The following PRKG1 variants were observed in gnomAD, a reference collection of about 807,000 sequenced individuals.
PRKG1 encodes protein kinase cGMP-dependent 1, also known as cGMP-dependent protein kinase 1.
A neutral mutation model predicts 88.1 loss-of-function variants in PRKG1; 35 were observed. The ratio of observed to expected loss-of-function variants is 0.40; its 90% CI spans 0.30 to 0.53. The LOEUF (loss-of-function observed/expected upper bound fraction) is 0.53, where lower values mean the gene tolerates loss of function less well. Among genes scored for constraint, PRKG1 ranks in the 20% least tolerant of loss-of-function variants. The probability of loss-of-function intolerance (pLI) is 0.59; values close to 1 mark genes in which losing one functional copy is unlikely to be tolerated. For missense variants in PRKG1, 540 were observed against 839.8 expected, an observed-to-expected ratio of 0.64 and a Z score of 4.41; for synonymous variants, 303 against 292.5, an observed-to-expected ratio of 1.04 and a Z score of -0.37.
intron 2 of PRKG1, among the ~76,000 whole-genome samples, chr10:51,440,477 A>G (rs993870383): frequency 4.6e-5 from 7 of 151,942 alleles, no homozygotes; most frequent in African/African-American, 1.7e-4. Flanking sequence ...AACTATTAAA[A>G]TTAGGGAAAA....
chr10:51,390,614 C>T (rs937964870), intron 2 of PRKG1, among the ~76,000 whole-genome samples: 1 of 152,128 alleles, frequency 6.6e-6, no homozygotes, highest in Non-Finnish European at 1.5e-5. Context: ...TTTATTATTA[C>T]ATTAGTATAC....
At chr10:51,392,519 C>G (rs1837434116) in intron 2 of PRKG1, among the ~76,000 whole-genome samples, 1 of 152,066 alleles carries the variant, frequency 6.6e-6, no homozygotes, top group African/African-American at 2.4e-5. Flanking sequence ...GAAAAGTCTC[C>G]CATGTCTACT....
chr10:51,395,150 G>A (rs1203984882), intron 2 of PRKG1, among the ~76,000 whole-genome samples: 1 of 152,178 alleles, frequency 6.6e-6, no homozygotes, highest in African/African-American at 2.4e-5. Context: ...GGAGTCCAGA[G>A]ACTAATTCCT....
At chr10:51,697,953 T>C (rs1335091370) in intron 3 of PRKG1, 2 of 1,599,554 alleles carry the variant, frequency 1.3e-6, no homozygotes, top group Admixed American at 1.8e-5. Flanking sequence ...ACTCCTTGTA[T>C]GCCTGCCCCC....
rs547816287 is a variant in PRKG1, at chr10:51,109,487, G to C, written c.311+34586G>C. On this transcript the variant is annotated intron_variant, in intron 1 of 17. Coordinates refer to ENST00000373980, the MANE Select transcript of PRKG1 (RefSeq NM_006258.4). ...GCGCAAAGGCAATTAAGTGAAAAAG[G>C]GATATTCTTCAAGAAACAGTGAGTG... Among the ~76,000 whole-genome samples, 6 of 152,104 alleles carry C rather than the reference G, an allele frequency of 3.9e-5. No homozygotes were observed. The South Asian group carries it at 1.0e-3, about 26-fold the overall frequency.
chr10:51,487,684 G>A (rs1038119594), intron 3 of PRKG1, among the ~76,000 whole-genome samples: 1 of 152,098 alleles, frequency 6.6e-6, no homozygotes, highest in Non-Finnish European at 1.5e-5. Context: ...ATCTTAAGGA[G>A]TATGTCTCAT....
intron 7 of PRKG1, among the ~76,000 whole-genome samples, chr10:52,096,277 G>A (rs1411226313): frequency 2.0e-5 from 3 of 152,136 alleles, no homozygotes; most frequent in Non-Finnish European, 4.4e-5. Flanking sequence ...TAAACATCTA[G>A]GCACTTTTAT....
chr10:51,006,078 C>T (rs1325767156), intron 1 of PRKG1, among the ~76,000 whole-genome samples: 1 of 152,154 alleles, frequency 6.6e-6, no homozygotes, highest in Non-Finnish European at 1.5e-5. Context: ...CCCATCTCCC[C>T]ATGTCAGTGT....
intron 10 of PRKG1, among the ~76,000 whole-genome samples, chr10:52,255,684 A>G (rs1465395420): frequency 6.6e-6 from 1 of 152,040 alleles, no homozygotes; most frequent in African/African-American, 2.4e-5. Flanking sequence ...TAATAAACTC[A>G]TAAGCAAAGC....
intron 3 of PRKG1, among the ~76,000 whole-genome samples, chr10:51,506,834 A>G (rs1267111120): frequency 6.6e-6 from 1 of 152,152 alleles, no homozygotes; most frequent in African/African-American, 2.4e-5. Flanking sequence ...TCATGCTGCT[A>G]TAAAGACATA....
chr10:51,393,699 T>C (rs1837501165), intron 2 of PRKG1, among the ~76,000 whole-genome samples: 1 of 152,180 alleles, frequency 6.6e-6, no homozygotes. Flanking sequence ...TTTTGACTTC[T>C]GTCATCTTCC....
At position 52,075,698 on chromosome 10, in the gene PRKG1, C is replaced by T. The variant is rs112016741; in HGVS notation, c.935+13067C>T. Among the ~76,000 whole-genome samples the T allele has an allele frequency of 2.2e-3, 342 of 152,272 alleles. 1 individual carries two copies. The highest frequency in any genetic ancestry group is 7.9e-3 in the African/African-American group (328 of 41,548). On this transcript the variant is annotated intron_variant, in intron 7 of 17. Coordinates refer to ENST00000373980, the MANE Select transcript of PRKG1 (RefSeq NM_006258.4). ...GAAATTTATTTTCTCACAGTTTTAA[C>T]GGCTGGAAGTCTGAGGTCAAGATGC...
chr10:51,984,718 TA>T (rs1478508382), intron 5 of PRKG1, among the ~76,000 whole-genome samples: 5 of 152,192 alleles, frequency 3.3e-5, no homozygotes, highest in Non-Finnish European at 5.9e-5. Context: ...TTTGTGTCTA[TA>T]AAAAATGATT....
At chr10:51,631,232 C>T (rs1450110441) in intron 3 of PRKG1, among the ~76,000 whole-genome samples, 1 of 152,178 alleles carries the variant, frequency 6.6e-6, no homozygotes, top group African/African-American at 2.4e-5. Context: ...CAAAGAAACT[C>T]TCCAGTTACA....
At chr10:51,931,357 T>C (rs7074476) in intron 5 of PRKG1, among the ~76,000 whole-genome samples, 23,715 of 152,054 alleles carry the variant, frequency 0.16, 2,501 homozygotes, top group African/African-American at 0.3. Context: ...CTTATTTCCA[T>C]AATTCCAGTG....
At chr10:52,022,644 A>C (rs181373378) in intron 5 of PRKG1, among the ~76,000 whole-genome samples, 2 of 152,324 alleles carry the variant, frequency 1.3e-5, no homozygotes, top group African/African-American at 4.8e-5. Context: ...AAGTTGTACA[A>C]TAGTGTATGG....
chr10:51,562,488 T>C (rs1837492981), intron 3 of PRKG1, among the ~76,000 whole-genome samples: 1 of 152,110 alleles, frequency 6.6e-6, no homozygotes. Flanking sequence ...TAGATACGTG[T>C]GCATCTTTGT....
At chr10:51,374,239 A>T (rs1295186991) in intron 2 of PRKG1, among the ~76,000 whole-genome samples, 3 of 126,514 alleles carry the variant, frequency 2.4e-5, no homozygotes, top group Admixed American at 1.6e-4. Flanking sequence ...CTCCCCTAGC[A>T]CCCCCACCCC....
At chr10:51,004,076 G>A (rs1477793234) in intron 1 of PRKG1, among the ~76,000 whole-genome samples, 1 of 151,960 alleles carries the variant, frequency 6.6e-6, no homozygotes, top group Non-Finnish European at 1.5e-5. Flanking sequence ...AGAGTCCTAG[G>A]TCAAAAAAAC....
Sources: gnomAD v4.1 joint callset for allele counts (sites outside exome capture counted in the v4.1 genomes callset) on GRCh38, gnomAD v4.1.1 for gene constraint, MANE v1.5 for transcripts, NCBI Gene and HGNC (gene_info 2026-07-23, HGNC 2026-07-21) for gene names.